USP13: variants seen among roughly 807,000 people sequenced by gnomAD.
USP13 encodes ubiquitin carboxyl-terminal hydrolase 13.
In USP13, 68 loss-of-function variants were observed where a neutral mutation model predicts 107.8. That is an observed-to-expected ratio of 0.63 (90% CI 0.52 to 0.77). The LOEUF (loss-of-function observed/expected upper bound fraction) is 0.77, where lower values mean the gene tolerates loss of function less well. Among genes scored for constraint, USP13 ranks in the 30% least tolerant of loss-of-function variants. USP13 has a pLI of 0.00. For missense variants in USP13, 945 were observed against 1,093.3 expected (o/e 0.86, Z 1.91); for synonymous variants, 377 against 389.5 (o/e 0.97, Z 0.38).
intron 10 of USP13, among the ~76,000 whole-genome samples, chr3:179,738,008 G>T (rs17195948): frequency 6.6e-6 from 1 of 152,164 alleles, no homozygotes; most frequent in Non-Finnish European, 1.5e-5. Context: ...CCTCTTTGTC[G>T]CAGGGAGATA....
At chr3:179,756,234 C>T (rs943104130) in intron 15 of USP13, among the ~76,000 whole-genome samples, 42 of 152,012 alleles carry the variant, frequency 2.8e-4, no homozygotes, top group African/African-American at 9.9e-4. Context: ...ACCATCCTGG[C>T]CAACATGGTG....
chr3:179,780,019 G>A (rs1235542224), intron 19 of USP13, among the ~76,000 whole-genome samples: 2 of 152,204 alleles, frequency 1.3e-5, no homozygotes, highest in Non-Finnish European at 2.9e-5. Flanking sequence ...AATTGCCATT[G>A]ACTGAGATAG....
At chr3:179,757,865 CATG>C (rs1714859829) in intron 16 of USP13, among the ~76,000 whole-genome samples, 1 of 152,192 alleles carries the variant, frequency 6.6e-6, no homozygotes, top group Non-Finnish European at 1.5e-5. Context: ...GTCAGCCTGC[CATG>C]ATCTTCACAT....
intron 15 of USP13, among the ~76,000 whole-genome samples, chr3:179,756,196 G>A (rs913444167): frequency 2.6e-5 from 4 of 152,104 alleles, no homozygotes; most frequent in African/African-American, 7.2e-5. Context: ...AGGCCAAGGC[G>A]GGCAGATCAC....
intron 1 of USP13, among the ~76,000 whole-genome samples, chr3:179,675,536 T>TTTATTATTA (rs57851865): frequency 0.023 from 3,305 of 146,352 alleles, 43 homozygotes; most frequent in African/African-American, 0.033. Flanking sequence ...TGTAACCTAT[T>TTTATTATTA]TTATTATTAT....
intron 13 of USP13, among the ~76,000 whole-genome samples, chr3:179,750,320 ATG>A (rs372126922): frequency 2.5e-4 from 10 of 40,796 alleles, no homozygotes; most frequent in African/African-American, 6.0e-4. Context: ...ATATATATAT[ATG>A]TGTGTATATA....
intron 13 of USP13, among the ~76,000 whole-genome samples, chr3:179,746,168 C>A (rs991644734): frequency 6.8e-6 from 1 of 146,748 alleles, no homozygotes; most frequent in African/African-American, 2.5e-5. Context: ...GCCTCAATAG[C>A]AGTTCAACCT....
chr3:179,710,831 AAC>A (rs1363697980), intron 6 of USP13, among the ~76,000 whole-genome samples: 1 of 152,236 alleles, frequency 6.6e-6, no homozygotes, highest in East Asian at 1.9e-4. Context: ...CTGCTGTAGT[AAC>A]ACAATGGTAA....
chr3:179,684,802 G>T (rs1186600846), intron 2 of USP13, among the ~76,000 whole-genome samples: 2 of 149,356 alleles, frequency 1.3e-5, no homozygotes, highest in African/African-American at 2.5e-5. Flanking sequence ...TGATGCTGTG[G>T]TTGAAGCCAT....
At chr3:179,741,566 AG>A in intron 11 of USP13, among the ~76,000 whole-genome samples, 1 of 152,138 alleles carries the variant, frequency 6.6e-6, no homozygotes, top group South Asian at 2.1e-4. Context: ...CATGTTGGCC[AG>A]GCTGGTCTCG....
chr3:179,771,906 C>G lies in USP13; in HGVS notation c.2413+6058C>G, dbSNP rs117732199. On this transcript the variant is annotated intron_variant, in intron 19 of 20. Transcript: ENST00000263966. ...TTTAAAAAGGTTAGTGCTATTAACA[C>G]TTGATGAAATAGTGGCTGTCATTTC... is the stretch of plus-strand genomic sequence containing the variant. 1.8e-4 allele frequency among the ~76,000 whole-genome samples: 28 copies of G among 152,350 alleles called. No homozygotes were observed. The East Asian group carries it at 5.2e-3, about 28-fold the overall frequency.
intron 20 of USP13, among the ~76,000 whole-genome samples, chr3:179,783,735 G>T (rs951063629): frequency 2.0e-5 from 3 of 151,984 alleles, no homozygotes; most frequent in African/African-American, 7.2e-5. Context: ...GGGTATGATG[G>T]CATGTGCCTG....
intron 2 of USP13, among the ~76,000 whole-genome samples, chr3:179,684,131 T>C (rs1346322855): frequency 6.6e-6 from 1 of 151,548 alleles, no homozygotes; most frequent in Non-Finnish European, 1.5e-5. Context: ...CGGCTAACTT[T>C]TGTATTTTTA....
intron 6 of USP13, among the ~76,000 whole-genome samples, chr3:179,711,907 G>T (rs1379825511): frequency 6.6e-6 from 1 of 152,154 alleles, no homozygotes; most frequent in African/African-American, 2.4e-5. Flanking sequence ...AAAACCATAT[G>T]TGCTATACTT....
chr3:179,767,517 C>T (rs868282340), intron 19 of USP13, among the ~76,000 whole-genome samples: 4 of 152,110 alleles, frequency 2.6e-5, no homozygotes, highest in Middle Eastern at 3.4e-3. Flanking sequence ...CTCCACCTCC[C>T]AGGTTCAAGC....
At chr3:179,669,489 A>T (rs948096323) in intron 1 of USP13, among the ~76,000 whole-genome samples, 20 of 151,986 alleles carry the variant, frequency 1.3e-4, no homozygotes, top group Non-Finnish European at 2.5e-4. Flanking sequence ...ATAAATAAAA[A>T]AAATAATATC....
intron 19 of USP13, among the ~76,000 whole-genome samples, chr3:179,773,438 C>T (rs1384019517): frequency 6.6e-6 from 1 of 152,062 alleles, no homozygotes; most frequent in Non-Finnish European, 1.5e-5. Flanking sequence ...ATGCGTCATG[C>T]CCTGATGAGA....
intron 19 of USP13, among the ~76,000 whole-genome samples, chr3:179,772,982 A>G (rs1371421085): frequency 6.6e-6 from 1 of 152,106 alleles, no homozygotes; most frequent in East Asian, 1.9e-4. Flanking sequence ...GTTTTTTCTC[A>G]GAGAGGGCAT....
chr3:179,727,947 G>C (rs1393461545), intron 8 of USP13, among the ~76,000 whole-genome samples: 1 of 61,418 alleles, frequency 1.6e-5, no homozygotes, highest in East Asian at 9.1e-4. Flanking sequence ...CCTCCCTCTC[G>C]GACGAGGCGG....
Sources: gnomAD v4.1 joint callset for allele counts (sites outside exome capture counted in the v4.1 genomes callset) on GRCh38, gnomAD v4.1.1 for gene constraint, MANE v1.5 for transcripts, NCBI Gene and HGNC (gene_info 2026-07-23, HGNC 2026-07-21) for gene names.